TYR: variants seen among roughly 807,000 people sequenced by gnomAD.
TYR encodes LB24-AB.
TYR carries 58 observed loss-of-function variants against 51.5 expected under a neutral mutation model. The observed-to-expected ratio is 1.13, with a 90% confidence interval of 0.91 to 1.40. The LOEUF (loss-of-function observed/expected upper bound fraction) is 1.40, where lower values mean the gene tolerates loss of function less well. Ranked by LOEUF, TYR falls within the 40% of genes most tolerant of loss-of-function variation. TYR has a pLI of 0.00. For synonymous variants in TYR, 263 were observed against 235.2 expected, an observed-to-expected ratio of 1.12 and a Z score of -1.08; for missense variants, 732 against 647.4, an observed-to-expected ratio of 1.13 and a Z score of -1.42.
intron 3 of TYR, among the ~76,000 whole-genome samples, chr11:89,251,818 A>G (rs1189457847): frequency 6.6e-6 from 1 of 151,764 alleles, no homozygotes; most frequent in Admixed American, 6.6e-5. Context: ...CTTAACACCA[A>G]TGATCCCTGT....
intron 2 of TYR, among the ~76,000 whole-genome samples, chr11:89,226,036 T>C (rs1943971153): frequency 6.6e-6 from 1 of 151,684 alleles, no homozygotes; most frequent in African/African-American, 2.4e-5. Context: ...ATTAAAAAAA[T>C]CAGTTTGGGA....
intron 2 of TYR, among the ~76,000 whole-genome samples, chr11:89,211,959 G>A (rs182789064): frequency 3.3e-4 from 51 of 152,292 alleles, no homozygotes; most frequent in African/African-American, 1.2e-3. Flanking sequence ...CGTGTCGGGA[G>A]AAATTTATAG....
intron 1 of TYR, among the ~76,000 whole-genome samples, chr11:89,188,099 G>A (rs1428145757): frequency 6.7e-6 from 1 of 149,316 alleles, no homozygotes; most frequent in Non-Finnish European, 1.5e-5. Flanking sequence ...TATATATATT[G>A]TTTTACTGTC....
intron 3 of TYR, among the ~76,000 whole-genome samples, chr11:89,276,211 G>A (rs1590895437): frequency 6.6e-6 from 1 of 151,746 alleles, no homozygotes; most frequent in East Asian, 2.0e-4. Flanking sequence ...CCCTCACAGT[G>A]AAAGAAAAAA....
At position 89,239,017 on chromosome 11, in the gene TYR, A is replaced by G. The variant is rs569989791; in HGVS notation, c.1184+11047A>G. 9.2e-5 allele frequency among the ~76,000 whole-genome samples: 14 copies of G among 152,254 alleles called. No individual in the cohort carries two copies. In the South Asian group the frequency reaches 2.5e-3, roughly 27 times the overall value. Reference sequence around the variant, plus strand: ...TTTGAAGAGTTTTGCATCTATGTTCATTAGGAATATTGGCCTGTAATTTTG... The same window carrying G: ...TTTGAAGAGTTTTGCATCTATGTTCGTTAGGAATATTGGCCTGTAATTTTG... On this transcript the variant is annotated intron_variant, in intron 3 of 4. Coordinates refer to ENST00000263321, the MANE Select transcript of TYR (RefSeq NM_000372.5).
intron 3 of TYR, among the ~76,000 whole-genome samples, chr11:89,282,001 A>AGT (rs2135322303): frequency 6.6e-6 from 1 of 151,912 alleles, no homozygotes; most frequent in South Asian, 2.1e-4. Context: ...GAGCTATTCT[A>AGT]GTCATGGTTT....
At chr11:89,263,051 C>G (rs2135308675) in intron 3 of TYR, among the ~76,000 whole-genome samples, 1 of 151,536 alleles carries the variant, frequency 6.6e-6, no homozygotes, top group Non-Finnish European at 1.5e-5. Flanking sequence ...AAAACTATCA[C>G]AAGAGAAAAC....
At chr11:89,250,161 G>C (rs1944314375) in intron 3 of TYR, among the ~76,000 whole-genome samples, 2 of 151,990 alleles carry the variant, frequency 1.3e-5, no homozygotes, top group African/African-American at 4.8e-5. Flanking sequence ...TCAGTGGTCT[G>C]AATTTAGGAA....
chr11:89,182,408 A>G (rs556288182), intron 1 of TYR, among the ~76,000 whole-genome samples: 11 of 152,138 alleles, frequency 7.2e-5, no homozygotes, highest in Non-Finnish European at 1.6e-4. Flanking sequence ...AACAATAGCC[A>G]CTTACTCAAA....
chr11:89,187,057 T>C (rs1294845280), intron 1 of TYR, among the ~76,000 whole-genome samples: 1 of 152,160 alleles, frequency 6.6e-6, no homozygotes, highest in Non-Finnish European at 1.5e-5. Flanking sequence ...TATTTTCTTA[T>C]GGCAGCCTGA....
At chr11:89,216,181 T>C (rs1050702761) in intron 2 of TYR, among the ~76,000 whole-genome samples, 1 of 152,068 alleles carries the variant, frequency 6.6e-6, no homozygotes, top group African/African-American at 2.4e-5. Flanking sequence ...AGTGTATAAA[T>C]AAACAGAAGA....
intron 3 of TYR, among the ~76,000 whole-genome samples, chr11:89,276,186 C>G (rs1944651948): frequency 1.3e-5 from 2 of 151,820 alleles, no homozygotes; most frequent in African/African-American, 4.8e-5. Context: ...GCCTCTGCCT[C>G]TATTTGGATT....
chr11:89,291,655 A>AT (rs1198652753), intron 4 of TYR, among the ~76,000 whole-genome samples: 1 of 152,030 alleles, frequency 6.6e-6, no homozygotes, highest in African/African-American at 2.4e-5. Context: ...TTTATCAAAT[A>AT]TTATAAGCAT....
intron 3 of TYR, among the ~76,000 whole-genome samples, chr11:89,274,047 T>C (rs1489605858): frequency 6.6e-6 from 1 of 151,878 alleles, no homozygotes; most frequent in African/African-American, 2.4e-5. Context: ...AATTTGAATT[T>C]TACAGAGACA....
chr11:89,280,897 T>C (rs1258598358), intron 3 of TYR, among the ~76,000 whole-genome samples: 8 of 151,680 alleles, frequency 5.3e-5, no homozygotes, highest in Admixed American at 5.3e-4. Context: ...GTTTCTCTAG[T>C]GTATTTGTTT....
chr11:89,202,909 T>C (rs1318379196), intron 2 of TYR, among the ~76,000 whole-genome samples: 1 of 152,144 alleles, frequency 6.6e-6, no homozygotes, highest in Non-Finnish European at 1.5e-5. Flanking sequence ...AATGATGCTG[T>C]TTCTATGAAA....
rs115192811 is a variant in TYR at position 89,236,659 on chromosome 11, T to C, written c.1184+8689T>C. ...AAGTTGCTACCTATGAAGACTCATT[T>C]TTCCGATCAGACAGGTCTATTGACT... On this transcript the variant is annotated intron_variant, in intron 3 of 4. Coordinates refer to ENST00000263321, the MANE Select transcript of TYR (RefSeq NM_000372.5). 3.5e-3 allele frequency among the ~76,000 whole-genome samples: 538 copies of C among 152,312 alleles called. 1 individual carries two copies. Among genetic ancestry groups the C allele is most frequent in the African/African-American group, 0.012 (504 of 41,576 alleles).
chr11:89,229,184 A>G (rs539859003), intron 3 of TYR, among the ~76,000 whole-genome samples: 1 of 152,204 alleles, frequency 6.6e-6, no homozygotes, highest in Non-Finnish European at 1.5e-5. Context: ...ATCCAGGAAA[A>G]TCATTAGGCA....
chr11:89,254,143 A>G (rs1023419053), intron 3 of TYR, among the ~76,000 whole-genome samples: 8 of 151,664 alleles, frequency 5.3e-5, no homozygotes, highest in Admixed American at 6.6e-5. Flanking sequence ...ACTTGTTTAC[A>G]TTAAACTATC....
Sources: allele counts gnomAD v4.1 joint callset (sites outside exome capture counted in the v4.1 genomes callset), GRCh38; gene constraint gnomAD v4.1.1; transcripts MANE v1.5; gene names NCBI Gene and HGNC (gene_info 2026-07-23, HGNC 2026-07-21).